FMNL2: variants seen among roughly 807,000 people sequenced by gnomAD.
The protein encoded by FMNL2 is formin like 2, also known as formin-like protein 2.
In FMNL2, 51 loss-of-function variants were observed where a neutral mutation model predicts 130.2. The observed-to-expected ratio is 0.39, with a 90% CI of 0.31 to 0.49. The LOEUF is 0.49. Among genes scored for constraint, FMNL2 ranks in the 20% least tolerant of loss-of-function variants. The pLI is 0.85. For missense variants in FMNL2, 977 were observed against 1,316.2 expected (o/e 0.74, Z 3.99); for synonymous variants, 465 against 467.1 (o/e 1.00, Z 0.06).
intron 1 of FMNL2, among the ~76,000 whole-genome samples, chr2:152,427,523 C>T (rs967487066): frequency 6.6e-6 from 1 of 151,954 alleles, no homozygotes; most frequent in Admixed American, 6.6e-5. Flanking sequence ...CCAGCCTAGG[C>T]GATAGAGTGA....
intron 1 of FMNL2, among the ~76,000 whole-genome samples, chr2:152,452,390 C>A (rs779860320): frequency 5.0e-4 from 76 of 152,144 alleles, no homozygotes; most frequent in African/African-American, 1.7e-3. Context: ...TTTTCTCACA[C>A]GAGTTTTGGT....
chr2:152,643,075 T>C (rs925751582), intron 25 of FMNL2, among the ~76,000 whole-genome samples: 4 of 152,164 alleles, frequency 2.6e-5, no homozygotes, highest in African/African-American at 9.7e-5. Flanking sequence ...TAGTATGTCC[T>C]CCATCCCAAT....
rs182816600 is a variant in FMNL2 at position 152,392,754 on chromosome 2, C to T, written c.117+57034C>T. 2.8e-3 allele frequency among the ~76,000 whole-genome samples: 431 copies of T among 152,278 alleles called. 3 individuals carry two copies. Among genetic ancestry groups the T allele is most frequent in the African/African-American group, 9.9e-3 (413 of 41,552 alleles). On this transcript the variant is annotated intron_variant, in intron 1 of 25. Coordinates refer to ENST00000288670, the MANE Select transcript of FMNL2 (RefSeq NM_052905.4). ...AAGGGACACATTCAAACCATAACAC[C>T]CCCTGTCACCTATTGTCTGCCCTCC...
intron 1 of FMNL2, among the ~76,000 whole-genome samples, chr2:152,354,861 T>C (rs1334396318): frequency 6.6e-6 from 1 of 152,204 alleles, no homozygotes; most frequent in Non-Finnish European, 1.5e-5. Context: ...TTAAATTGCA[T>C]GGGCGGAAGC....
intron 8 of FMNL2, 108 bp downstream of exon 8, chr2:152,579,072 A>C: frequency 1.1e-6 from 1 of 876,704 alleles, no homozygotes; most frequent in East Asian, 2.6e-5. Context: ...TTAATCTCTG[A>C]AATAAGATTG....
intron 2 of FMNL2, among the ~76,000 whole-genome samples, chr2:152,528,218 T>A (rs1266707750): frequency 1.3e-5 from 2 of 152,232 alleles, no homozygotes; most frequent in South Asian, 4.1e-4. Context: ...AATTACTGAC[T>A]GTAGTATAAG....
At chr2:152,401,109 C>T (rs1685670090) in intron 1 of FMNL2, among the ~76,000 whole-genome samples, 1 of 152,222 alleles carries the variant, frequency 6.6e-6, no homozygotes, top group South Asian at 2.1e-4. Flanking sequence ...TTCATTGTAG[C>T]TCTCAACAGG....
Position 152,572,268 on chromosome 2 carries a change from TA to T in FMNL2, c.597-2865del, listed in dbSNP as rs554000271. On this transcript the variant is annotated intron_variant, in intron 6 of 25. Transcript: ENST00000288670. Reference sequence around the variant, plus strand: ...CTAGTTAGCTCTCTATCTTAAGGTCTAAACCTAGACCATCTCAGTAATGTTT... The same window carrying T: ...CTAGTTAGCTCTCTATCTTAAGGTCTAACCTAGACCATCTCAGTAATGTTT... 7.2e-3 allele frequency among the ~76,000 whole-genome samples: 1,095 copies of T among 152,298 alleles called. 12 individuals carry two copies. The highest frequency in any genetic ancestry group is 0.025 in the African/African-American group (1,055 of 41,566).
chr2:152,407,001 A>G (rs1686017905), intron 1 of FMNL2, among the ~76,000 whole-genome samples: 1 of 152,124 alleles, frequency 6.6e-6, no homozygotes, highest in Non-Finnish European at 1.5e-5. Flanking sequence ...TAACTTCTCT[A>G]AGCATCAGTT....
intron 8 of FMNL2, among the ~76,000 whole-genome samples, chr2:152,579,940 T>A (rs1353533516): frequency 2.0e-5 from 3 of 152,248 alleles, no homozygotes; most frequent in Non-Finnish European, 4.4e-5. Flanking sequence ...TGAAAACTGT[T>A]AATTCAAAAA....
intron 2 of FMNL2, among the ~76,000 whole-genome samples, chr2:152,528,306 A>T (rs906840105): frequency 4.6e-5 from 7 of 152,252 alleles, no homozygotes; most frequent in African/African-American, 7.2e-5. Context: ...CTGCCATAAC[A>T]AATTACTGCA....
At chr2:152,405,716 C>G (rs1685944279) in intron 1 of FMNL2, among the ~76,000 whole-genome samples, 1 of 152,122 alleles carries the variant, frequency 6.6e-6, no homozygotes, top group South Asian at 2.1e-4. Context: ...GACTTGAGAT[C>G]TAGAAACTGG....
Position 152,628,489 on chromosome 2 carries a change from G to A in FMNL2, c.2356G>A (p.Ala786Thr), listed in dbSNP as rs1391549821. The A allele has an allele frequency of 5.6e-6, 9 of 1,613,876 alleles. No individual in the cohort carries two copies. The highest frequency in any genetic ancestry group is 7.6e-6 in the Non-Finnish European group (9 of 1,179,884). ...GCTCATGCAGAAGATGACCATCATG[G>A]CCTTCATTGGGAACTTTGCTGAAAG... ...ERLMQKMTIM[A>T]FIGNFAESIQ... Residue 786 changes from alanine to threonine, a missense_variant, in exon 18 of 26, where the codon GCC becomes ACC. Ala to Thr is a moderately conservative substitution (Grantham distance 58, BLOSUM62 0). Coordinates refer to ENST00000288670, the MANE Select transcript of FMNL2 (RefSeq NM_052905.4).
chr2:152,623,240 C>T, intron 15 of FMNL2, among the ~76,000 whole-genome samples: 1 of 152,202 alleles, frequency 6.6e-6, no homozygotes, highest in East Asian at 1.9e-4. Context: ...TGAAAAGACT[C>T]CTCTGCGGCC....
At chr2:152,579,122 G>A (rs761869354) in intron 8 of FMNL2, among the ~76,000 whole-genome samples, 158 bp downstream of exon 8, 29 of 152,096 alleles carry the variant, frequency 1.9e-4, no homozygotes, top group Non-Finnish European at 3.2e-4. Context: ...TTTCCTTTTA[G>A]CCAAGTTACA....
chr2:152,418,993 A>G (rs1336270962), intron 1 of FMNL2, among the ~76,000 whole-genome samples: 11 of 142,322 alleles, frequency 7.7e-5, no homozygotes. Flanking sequence ...TTTTTTTTTA[A>G]TAATAGTCAT....
intron 1 of FMNL2, among the ~76,000 whole-genome samples, chr2:152,503,372 G>C (rs775818497): frequency 6.6e-6 from 1 of 152,162 alleles, no homozygotes; most frequent in Non-Finnish European, 1.5e-5. Flanking sequence ...GATTCTTGTT[G>C]AAGGCAGGCC....
rs537011483 is a variant in FMNL2, at chr2:152,605,566, C to A, written c.877-1773C>A. On this transcript the variant is annotated intron_variant, in intron 9 of 25. Transcript: ENST00000288670. ...TCTTGAACTCTGGGGCTCAAGCGAT[C>A]CTCCCGCTTTGGCCTCTCAAAGCCC... Among the ~76,000 whole-genome samples the A allele has an allele frequency of 3.0e-4, 46 of 152,282 alleles. No homozygotes were observed. In the South Asian group the frequency reaches 9.5e-3, roughly 32 times the overall value.
chr2:152,465,217 T>C (rs1240029245), intron 1 of FMNL2, among the ~76,000 whole-genome samples: 2 of 152,222 alleles, frequency 1.3e-5, no homozygotes, highest in African/African-American at 4.8e-5. Context: ...AGGGCATTCG[T>C]GCAGGCAAGA....
Sources: allele counts gnomAD v4.1 joint callset (sites outside exome capture counted in the v4.1 genomes callset), GRCh38; gene constraint gnomAD v4.1.1; transcripts MANE v1.5; gene names NCBI Gene and HGNC (gene_info 2026-07-23, HGNC 2026-07-21).